The following CACNA1I variants were observed in gnomAD, a reference collection of about 807,000 sequenced individuals.
CACNA1I encodes the protein calcium voltage-gated channel subunit alpha1 I.
In CACNA1I, 74 loss-of-function variants were observed where a neutral mutation model predicts 201.6. That is an observed-to-expected ratio of 0.37 (90% CI 0.30 to 0.45). The LOEUF (loss-of-function observed/expected upper bound fraction) is 0.45. CACNA1I is among the 20% of genes least tolerant of loss of function. The probability of loss-of-function intolerance (pLI) is 1.00; values close to 1 mark genes in which losing one functional copy is unlikely to be tolerated. For synonymous variants in CACNA1I, 1,431 were observed against 1,345.2 expected, an observed-to-expected ratio of 1.06 and a Z score of -1.40; for missense variants, 2,346 against 3,138.1, an observed-to-expected ratio of 0.75 and a Z score of 6.03.
At chr22:39,575,183 G>A (rs372436506) in intron 1 of CACNA1I, among the ~76,000 whole-genome samples, 2 of 152,258 alleles carry the variant, frequency 1.3e-5, no homozygotes, top group Admixed American at 6.5e-5. Flanking sequence ...CTTGAATCAC[G>A]GGGAGGTGGC....
Position 39,686,295 on chromosome 22 carries a change from C to G in CACNA1I, c.6562C>G (p.Pro2188Ala). 1 of 1,324,444 alleles carries G rather than the reference C, an allele frequency of 7.6e-7. No individual in the cohort carries two copies. Among genetic ancestry groups the G allele is most frequent in the South Asian group, 1.9e-5 (1 of 53,884 alleles). The allele number at this position is 1,324,444 out of a possible 1,614,324, so 82.0% of individuals were successfully genotyped here. Residue 2188 changes from proline to alanine, a missense_variant, in exon 37 of 37, where the codon CCC becomes GCC. Physicochemically the swap from Pro to Ala is conservative, Grantham distance 27. Around this residue, in one of 13 missense-constraint regions of CACNA1I, gnomAD observed 187 missense variants for 151.0 expected, o/e 1.24. Coordinates refer to ENST00000402142, the MANE Select transcript of CACNA1I (RefSeq NM_021096.4). ...GTGGGCCGCGGACCGCAGCAAGGAC[C>G]CCCCCGGCCGGGCACCGCTGCCCAT... is the stretch of plus-strand genomic sequence containing the variant. ...PSWAADRSKD[P>A]PGRAPLPMGL...
At chr22:39,596,163 A>G (rs542291399) in intron 1 of CACNA1I, among the ~76,000 whole-genome samples, 54 of 24,088 alleles carry the variant, frequency 2.2e-3, no homozygotes, top group East Asian at 6.8e-3. Flanking sequence ...CAGGGTGGAG[A>G]GAGATGGGGG....
Position 39,649,692 on chromosome 22 carries a change from G to A in CACNA1I, c.1759G>A (p.Asp587Asn). The change falls in exon 10 of 37, where the codon GAC becomes AAC. Residue 587 changes from aspartate (D) to asparagine (N), a missense_variant. Asp to Asn is a conservative substitution (Grantham distance 23, BLOSUM62 1). Coordinates refer to ENST00000402142, the MANE Select transcript of CACNA1I (RefSeq NM_021096.4). The surrounding 1 kb of genome is among the most constrained non-coding windows in gnomAD (Gnocchi z 7.3). ...SGSGSSAGGE[D>N]EADGDGARSS... ...CTCCGGGAGCTCCGCTGGTGGCGAG[G>A]ACGAGGCGGATGGGGACGGGGCCCG... 6.6e-7 allele frequency: 1 copy of A among 1,518,386 alleles called. No homozygotes were observed. Among genetic ancestry groups the A allele is most frequent in the South Asian group, 1.3e-5 (1 of 77,518 alleles). 94.1% of individuals were successfully genotyped at this position (1,518,386 alleles called of 1,614,324 possible).
chr22:39,632,497 GA>G (rs1934092811), intron 4 of CACNA1I, among the ~76,000 whole-genome samples: 2 of 152,090 alleles, frequency 1.3e-5, no homozygotes, highest in African/African-American at 4.8e-5. Context: ...AATGTGCCCG[GA>G]GCGGCCCCAC....
At chr22:39,626,445 G>C (rs1458893119) in intron 4 of CACNA1I, among the ~76,000 whole-genome samples, 1 of 152,184 alleles carries the variant, frequency 6.6e-6, no homozygotes, top group African/African-American at 2.4e-5. Context: ...GGTTGGAGAG[G>C]GTGTGCCTGG....
intron 15 of CACNA1I, 68 bp downstream of exon 15, chr22:39,660,505 G>A: frequency 9.1e-7 from 1 of 1,104,036 alleles, no homozygotes; most frequent in East Asian, 2.6e-5. Context: ...TGGGCAGAGG[G>A]TACAGCGTCT....
chr22:39,624,489 C>G (rs1440113189), intron 4 of CACNA1I, among the ~76,000 whole-genome samples: 1 of 152,200 alleles, frequency 6.6e-6, no homozygotes, highest in Non-Finnish European at 1.5e-5. Flanking sequence ...GGCTTCCCGC[C>G]CCTGAGCCTG....
chr22:39,622,709 A>T (rs975531708), intron 4 of CACNA1I, among the ~76,000 whole-genome samples: 1 of 143,014 alleles, frequency 7.0e-6, no homozygotes, highest in African/African-American at 2.6e-5. Context: ...GATGCAGAGC[A>T]GCAAGTGGGT....
In CACNA1I at chr22:39,603,742, C is replaced by T. The variant is rs181768119; in HGVS notation, c.482+3089C>T. Among the ~76,000 whole-genome samples, 95 of 152,216 alleles carry T rather than the reference C, an allele frequency of 6.2e-4. 1 individual carries two copies. The highest frequency in any genetic ancestry group is 2.2e-3 in the African/African-American group (90 of 41,518). ...ATGTATACGGCAGATTTATCCAGCT[C>T]GTTAAGGAGTAGGGACTCAGCAGAT... On this transcript the variant is annotated intron_variant, in intron 3 of 36. Transcript: ENST00000402142.
chr22:39,669,603 G>C (rs918803113), intron 24 of CACNA1I, among the ~76,000 whole-genome samples: 3 of 151,926 alleles, frequency 2.0e-5, no homozygotes, highest in African/African-American at 7.3e-5. Flanking sequence ...CTGGCTGGCT[G>C]GTGGGTAGAT....
At chr22:39,604,032 G>A (rs925418298) in intron 3 of CACNA1I, among the ~76,000 whole-genome samples, 11 of 152,132 alleles carry the variant, frequency 7.2e-5, no homozygotes, top group Admixed American at 5.9e-4. Flanking sequence ...TCTTTAAATG[G>A]CCTGTTAAAT....
chr22:39,629,445 G>T lies in CACNA1I; in HGVS notation c.581-5120G>T, dbSNP rs1483454884. Among the ~76,000 whole-genome samples the T allele has an allele frequency of 2.0e-5, 3 of 151,768 alleles. No homozygotes were observed. ...CTGCTTGGCCTCCAAAATACCTCCA[G>T]AATCCACCATGTTCCCCACTCCACT... On this transcript the variant is annotated intron_variant, in intron 4 of 36. Transcript: ENST00000402142. The surrounding 1 kb of genome is among the most constrained non-coding windows in gnomAD (Gnocchi z 4.8).
Position 39,684,836 on chromosome 22 carries a change from T to G in CACNA1I, c.6027+338T>G. 2 of 461,484 alleles carry G rather than the reference T, an allele frequency of 4.3e-6. No individual in the cohort carries two copies. The highest frequency in any genetic ancestry group is 7.7e-6 in the Non-Finnish European group (2 of 258,966). 28.6% of individuals were successfully genotyped at this position (461,484 alleles called of 1,614,324 possible). On this transcript the variant is annotated intron_variant, in intron 36 of 36. Transcript: ENST00000402142. This position sits in a 1 kb window ranked among gnomAD's most constrained non-coding sequence, Gnocchi z 4.6. ...TTGCAGGGTGGCGGGGTGCTGGCAG[T>G]GGGGAGGACACCCTGGGTGCTCTGG...
intron 1 of CACNA1I, among the ~76,000 whole-genome samples, chr22:39,576,966 T>A: frequency 6.6e-6 from 1 of 152,134 alleles, no homozygotes; most frequent in East Asian, 1.9e-4. Flanking sequence ...TCTTCTTTTT[T>A]TTTGAGACCA....
At chr22:39,635,749 C>G (rs1934199094) in intron 5 of CACNA1I, among the ~76,000 whole-genome samples, 1 of 152,104 alleles carries the variant, frequency 6.6e-6, no homozygotes, top group African/African-American at 2.4e-5. Flanking sequence ...GCTTCGAAGT[C>G]AGGGTAGTGT....
Position 39,658,245 on chromosome 22 carries a change from CT to C in CACNA1I, c.2087del (p.Leu696ProfsTer44). On this transcript the variant is annotated frameshift_variant, in exon 11 of 37. Transcript: ENST00000402142. LOFTEE classifies it high-confidence loss of function. ...GATCCTGAAGCTGGCTGCATTTGGG[CT>C]CTTCGACTACCTGCGTAACCCCTAC... is the stretch of plus-strand genomic sequence containing the variant. ...EMILKLAAFG[L>X]FDYLRNPYNI... 6.2e-7 allele frequency: 1 copy of C among 1,613,964 alleles called. No individual in the cohort carries two copies. Among genetic ancestry groups the C allele is most frequent in the Non-Finnish European group, 8.5e-7 (1 of 1,179,882 alleles).
At chr22:39,605,211 T>C (rs1933184164) in intron 3 of CACNA1I, among the ~76,000 whole-genome samples, 1 of 152,034 alleles carries the variant, frequency 6.6e-6, no homozygotes, top group African/African-American at 2.4e-5. Flanking sequence ...TAGCTCTTTC[T>C]TCAAGCTGTG....
intron 1 of CACNA1I, among the ~76,000 whole-genome samples, chr22:39,593,778 G>C (rs1177704663): frequency 6.6e-6 from 1 of 152,200 alleles, no homozygotes; most frequent in Non-Finnish European, 1.5e-5. Context: ...TCTCAGCTCT[G>C]CTCTTTTCCA....
Position 39,672,267 on chromosome 22 carries a change from G to A in CACNA1I, c.4608G>A (p.Leu1536=). 6.2e-7 allele frequency: 1 copy of A among 1,613,754 alleles called. No homozygotes were observed. The highest frequency in any genetic ancestry group is 1.7e-4 in the Middle Eastern group (1 of 5,944). The stretch of plus-strand genomic sequence containing the variant: ...CTGTCTTTGTGCTGGAGGCTGTGCT[G>A]AAGCTGGTGGCATTTGGTCTGAGGC... ...FTTVFVLEAV[L]KLVAFGLRRF... The change falls in exon 27 of 37, where the codon CTG becomes CTA. Residue 1536 remains leucine, a synonymous_variant. Coordinates refer to ENST00000402142, the MANE Select transcript of CACNA1I (RefSeq NM_021096.4).
Sources: gnomAD v4.1 joint callset for allele counts (sites outside exome capture counted in the v4.1 genomes callset) on GRCh38, gnomAD v4.1.1 for gene constraint, gnomAD v4.1.1 regional missense constraint, Gnocchi (gnomAD v3.1) non-coding constraint, MANE v1.5 for transcripts, NCBI Gene and HGNC (gene_info 2026-07-23, HGNC 2026-07-21) for gene names.